LOXL2: variants seen among roughly 807,000 people sequenced by gnomAD.
The protein encoded by LOXL2 is lysyl oxidase homolog 2.
Under a neutral mutation model 93.0 loss-of-function variants are expected in LOXL2, and 70 were observed. The observed-to-expected ratio is 0.75, with a 90% CI of 0.62 to 0.92. The LOEUF is 0.92. Ranked by LOEUF, LOXL2 falls within the 40% of genes least tolerant of loss-of-function variation. The probability of loss-of-function intolerance (pLI) is 0.00; values close to 1 mark genes in which losing one functional copy is unlikely to be tolerated. For synonymous variants in LOXL2, 438 were observed against 413.2 expected, an observed-to-expected ratio of 1.06 and a Z score of -0.73; for missense variants, 973 against 1,054.9, an observed-to-expected ratio of 0.92 and a Z score of 1.08.
At chr8:23,343,479 G>T (rs1378365235) in intron 3 of LOXL2, among the ~76,000 whole-genome samples, 1 of 152,208 alleles carries the variant, frequency 6.6e-6, no homozygotes, top group Non-Finnish European at 1.5e-5. Context: ...GGGCTGGAAG[G>T]CAGGAGGAAC....
chr8:23,341,979 C>T (rs1332887202), intron 3 of LOXL2, among the ~76,000 whole-genome samples: 1 of 152,174 alleles, frequency 6.6e-6, no homozygotes, highest in Non-Finnish European at 1.5e-5. Context: ...TTCCCACACC[C>T]ACCCCACCCA....
At chr8:23,304,345 C>T (rs556303853) in intron 10 of LOXL2, among the ~76,000 whole-genome samples, 7 of 152,336 alleles carry the variant, frequency 4.6e-5, no homozygotes, top group African/African-American at 1.2e-4. Flanking sequence ...ACGGGGCTGT[C>T]GCCTGTTGCT....
chr8:23,341,849 G>A (rs766778389), intron 3 of LOXL2, among the ~76,000 whole-genome samples: 1 of 152,234 alleles, frequency 6.6e-6, no homozygotes, highest in Non-Finnish European at 1.5e-5. Context: ...GCTGTGTGCA[G>A]AGACTCACAC....
intron 9 of LOXL2, among the ~76,000 whole-genome samples, chr8:23,313,140 A>T (rs973505354): frequency 6.6e-6 from 1 of 152,122 alleles, no homozygotes; most frequent in Non-Finnish European, 1.5e-5. Context: ...ACTGCTCAAC[A>T]AAATAAAAGA....
rs912333713 is a variant in LOXL2, at chr8:23,297,537, A to T, written c.*506T>A. 6.5e-6 allele frequency: 1 copy of T among 153,580 alleles called. No individual in the cohort carries two copies. The allele number at this position is 153,580 out of a possible 1,614,324, so 9.5% of individuals were successfully genotyped here. On this transcript the variant is annotated 3_prime_UTR_variant, in exon 14 of 14. Transcript: ENST00000389131. The stretch of plus-strand genomic sequence containing the variant: ...AACACGTGGCACCATTATCTATGTG[A>T]CTATAATAGACTGGAGGGTTTCATT...
chr8:23,333,779 C>G, intron 4 of LOXL2, 156 bp from the exon 5 acceptor site: 1 of 636,466 alleles, frequency 1.6e-6, no homozygotes, highest in East Asian at 2.7e-5. Flanking sequence ...CCAGCATTCA[C>G]TGAGCACCTG....
chr8:23,303,472 G>A lies in LOXL2; in HGVS notation c.1881-75C>T, dbSNP rs1803174897. 1.0e-5 allele frequency: 9 copies of A among 860,076 alleles called. 1 individual carries two copies. The South Asian group carries it at 1.1e-4, about 11-fold the overall frequency. The allele number at this position is 860,076 out of a possible 1,614,324, so 53.3% of individuals were successfully genotyped here. On this transcript the variant is annotated intron_variant, in intron 10 of 13. Coordinates refer to ENST00000389131, the MANE Select transcript of LOXL2 (RefSeq NM_002318.3). ...GCTTGCAAGCAGAGGCCTGGCTGGC[G>A]ATTTGCCTCTGGGAATACTTCCAGG... is the stretch of plus-strand genomic sequence containing the variant.
intron 4 of LOXL2, among the ~76,000 whole-genome samples, chr8:23,335,892 T>C (rs535354662): frequency 6.6e-6 from 1 of 152,210 alleles, no homozygotes; most frequent in Non-Finnish European, 1.5e-5. Context: ...ACAATTCTAG[T>C]GTGCTTGTGA....
chr8:23,328,553 G>C lies in LOXL2; in HGVS notation c.979C>G (p.Arg327Gly). The C allele has an allele frequency of 6.2e-7, 1 of 1,613,818 alleles. No individual in the cohort carries two copies. Among genetic ancestry groups the C allele is most frequent in the East Asian group, 2.2e-5 (1 of 44,860 alleles). Residue 327 changes from arginine to glycine, a missense_variant, in exon 6 of 14, where the codon CGA becomes GGA. By Grantham distance (125) the Arg-to-Gly change is moderately radical. Coordinates refer to ENST00000389131, the MANE Select transcript of LOXL2 (RefSeq NM_002318.3). ...KAYKPEQPLV[R>G]LRGGAYIGEG... ...CCGATGTAGGCACCGCCTCTCAGTC[G>C]CACCAGGGGTTGCTGAAGAGACACA... is the stretch of plus-strand genomic sequence containing the variant.
At chr8:23,382,192 C>T (rs1804689669) in intron 1 of LOXL2, among the ~76,000 whole-genome samples, 1 of 152,160 alleles carries the variant, frequency 6.6e-6, no homozygotes. Flanking sequence ...GTTTTTATCT[C>T]TGTGAAGTAG....
Position 23,398,735 on chromosome 8 carries a change from C to T in LOXL2, c.-84+5219G>A, listed in dbSNP as rs139330325. ...ACTCTGTCACCCAGGCTGGAATGCA[C>T]TATAGCCTTGACCTCCTGGGCTCAA... On this transcript the variant is annotated intron_variant, in intron 1 of 13. Transcript: ENST00000389131. Among the ~76,000 whole-genome samples the T allele has an allele frequency of 3.7e-3, 569 of 152,290 alleles. 2 individuals are homozygous for T. The highest frequency in any genetic ancestry group is 5.7e-3 in the Non-Finnish European group (389 of 68,024).
chr8:23,311,091 C>T (rs1803313298), intron 9 of LOXL2, among the ~76,000 whole-genome samples: 1 of 152,154 alleles, frequency 6.6e-6, no homozygotes, highest in African/African-American at 2.4e-5. Context: ...TTTAAGCAAG[C>T]AGAGTCTGTG....
Position 23,341,174 on chromosome 8 carries a change from C to A in LOXL2, c.561G>T (p.Arg187=). 3 of 1,613,534 alleles carry A rather than the reference C, an allele frequency of 1.9e-6. No homozygotes were observed. Among genetic ancestry groups the A allele is most frequent in the Non-Finnish European group, 2.5e-6 (3 of 1,180,028 alleles). ...ENLNIQVEDI[R]IRAILSTYRK... ...GGTAGGTTGAGAGGATGGCTCGAAT[C>A]CGAATGTCCTCCACCTGGATATTCA... Residue 187 remains arginine, a synonymous_variant, in exon 4 of 14, where the codon CGG becomes CGT. Transcript: ENST00000389131.
chr8:23,321,392 A>G (rs994858750), intron 7 of LOXL2, among the ~76,000 whole-genome samples: 17 of 152,206 alleles, frequency 1.1e-4, no homozygotes, highest in Admixed American at 5.2e-4. Flanking sequence ...TCTAGAGAAG[A>G]CTGGAGCGCA....
intron 2 of LOXL2, among the ~76,000 whole-genome samples, chr8:23,366,421 T>A (rs1250214583): frequency 6.6e-6 from 1 of 152,236 alleles, no homozygotes; most frequent in Non-Finnish European, 1.5e-5. Flanking sequence ...GTGAGATGTG[T>A]ATGAGATGGG....
intron 8 of LOXL2, among the ~76,000 whole-genome samples, chr8:23,318,089 A>G (rs1342448842): frequency 6.6e-6 from 1 of 151,974 alleles, no homozygotes; most frequent in Non-Finnish European, 1.5e-5. Context: ...TGAGATTAAC[A>G]TTTTAATCAG....
intron 11 of LOXL2, 39 bp downstream of exon 11, chr8:23,303,243 C>A (rs1803168922): frequency 7.9e-7 from 1 of 1,268,506 alleles, no homozygotes; most frequent in South Asian, 1.2e-5. Context: ...GCATTCGAGT[C>A]CCTCTGAGGC....
chr8:23,371,354 T>G (rs547794691), intron 1 of LOXL2, among the ~76,000 whole-genome samples: 1 of 152,002 alleles, frequency 6.6e-6, no homozygotes, highest in African/African-American at 2.4e-5. Flanking sequence ...TAGGAAGGAA[T>G]GAAGAGTATG....
intron 4 of LOXL2, among the ~76,000 whole-genome samples, chr8:23,334,879 C>T (rs1256242760): frequency 2.0e-5 from 3 of 150,512 alleles, no homozygotes; most frequent in East Asian, 2.0e-4. Flanking sequence ...TGCTTTGGCG[C>T]GATCTTAACT....
Sources: allele counts gnomAD v4.1 joint callset (sites outside exome capture counted in the v4.1 genomes callset), GRCh38; gene constraint gnomAD v4.1.1; transcripts MANE v1.5; gene names NCBI Gene and HGNC (gene_info 2026-07-23, HGNC 2026-07-21).